The following RGS7 variants were observed in gnomAD, a reference collection of about 807,000 sequenced individuals.
The protein encoded by RGS7 is regulator of G-protein signaling 7.
Under a neutral mutation model 81.1 loss-of-function variants are expected in RGS7, and 27 were observed. The observed-to-expected ratio is 0.33, with a 90% CI of 0.25 to 0.46. The LOEUF (loss-of-function observed/expected upper bound fraction) is 0.46, where lower values mean the gene tolerates loss of function less well. RGS7 is among the 20% of genes least tolerant of loss of function. The pLI is 1.00. For synonymous variants in RGS7, 208 were observed against 207.7 expected, an observed-to-expected ratio of 1.00 and a Z score of -0.01; for missense variants, 396 against 607.4, an observed-to-expected ratio of 0.65 and a Z score of 3.66.
chr1:240,980,709 C>G (rs1449845760), intron 4 of RGS7, among the ~76,000 whole-genome samples: 1 of 152,164 alleles, frequency 6.6e-6, no homozygotes, highest in African/African-American at 2.4e-5. Flanking sequence ...TGTGCACAAT[C>G]TGTTACATAT....
intron 2 of RGS7, among the ~76,000 whole-genome samples, chr1:241,125,427 GAC>G (rs59757330): frequency 0.24 from 35,716 of 148,930 alleles, 4,442 homozygotes; most frequent in African/African-American, 0.31. Context: ...CAAAGACATG[GAC>G]ACACACACAC....
At chr1:241,208,876 T>A (rs941558198) in intron 2 of RGS7, among the ~76,000 whole-genome samples, 1 of 152,206 alleles carries the variant, frequency 6.6e-6, no homozygotes, top group Non-Finnish European at 1.5e-5. Flanking sequence ...AAGAGAATGC[T>A]TGACTGTTTT....
rs80076229 is a variant in RGS7, at chr1:241,327,889, G to C, written c.78+27810C>G. Among the ~76,000 whole-genome samples, 1,339 of 152,104 alleles carry C rather than the reference G, an allele frequency of 8.8e-3. 24 individuals are homozygous for C. The highest frequency in any genetic ancestry group is 0.031 in the African/African-American group (1,270 of 41,480). On this transcript the variant is annotated intron_variant, in intron 2 of 18. Transcript: ENST00000440928. Reference sequence around the variant, plus strand: ...AAAACTCAATTTTTGATAGAAAAAGGCTTCTTAGAGTACAGCTACCACATT... The same window carrying C: ...AAAACTCAATTTTTGATAGAAAAAGCCTTCTTAGAGTACAGCTACCACATT...
At chr1:240,945,984 T>C (rs1678536196) in intron 4 of RGS7, among the ~76,000 whole-genome samples, 1 of 152,202 alleles carries the variant, frequency 6.6e-6, no homozygotes, top group Non-Finnish European at 1.5e-5. Context: ...AGATCATCTT[T>C]CTCAAAATTA....
chr1:241,330,001 G>C (rs993145413), intron 2 of RGS7, among the ~76,000 whole-genome samples: 3 of 151,940 alleles, frequency 2.0e-5, no homozygotes, highest in Non-Finnish European at 4.4e-5. Context: ...AGTGGGTGGC[G>C]CAATCTTGGC....
chr1:241,230,743 C>G (rs2815859), intron 2 of RGS7, among the ~76,000 whole-genome samples: 86,999 of 151,994 alleles, frequency 0.57, 25,193 homozygotes, highest in African/African-American at 0.61. Context: ...GTGTTCTGTC[C>G]TAGGACCGTG....
At chr1:240,927,670 T>C (rs1674678485) in intron 6 of RGS7, among the ~76,000 whole-genome samples, 3 of 152,194 alleles carry the variant, frequency 2.0e-5, no homozygotes, top group South Asian at 2.1e-4. Flanking sequence ...TCTGAGATCA[T>C]TGTTATTCTC....
chr1:241,310,015 T>G (rs979812766), intron 2 of RGS7, among the ~76,000 whole-genome samples: 1 of 152,188 alleles, frequency 6.6e-6, no homozygotes, highest in African/African-American at 2.4e-5. Context: ...TCGGTGCTAT[T>G]CACAAGACAG....
At chr1:241,226,210 A>G (rs773404882) in intron 2 of RGS7, among the ~76,000 whole-genome samples, 5 of 152,222 alleles carry the variant, frequency 3.3e-5, no homozygotes, top group African/African-American at 7.2e-5. Context: ...AAGGAAATCC[A>G]TCTTACCCTC....
chr1:241,083,012 G>A (rs1174885509), intron 3 of RGS7, among the ~76,000 whole-genome samples: 1 of 152,054 alleles, frequency 6.6e-6, no homozygotes, highest in African/African-American at 2.4e-5. Context: ...GTCACTTGAG[G>A]TCAGGAGTTC....
intron 2 of RGS7, among the ~76,000 whole-genome samples, chr1:241,239,315 C>A (rs2076156088): frequency 6.6e-6 from 1 of 152,064 alleles, no homozygotes; most frequent in Non-Finnish European, 1.5e-5. Flanking sequence ...TGGTTCCCTG[C>A]TATTAACCTC....
intron 2 of RGS7, among the ~76,000 whole-genome samples, chr1:241,248,287 G>A (rs1279529109): frequency 6.7e-6 from 1 of 150,054 alleles, no homozygotes; most frequent in East Asian, 1.9e-4. Context: ...TAATTGCTGT[G>A]CATCTTTATA....
chr1:241,165,546 C>T (rs964310669), intron 2 of RGS7, among the ~76,000 whole-genome samples: 37 of 149,648 alleles, frequency 2.5e-4, no homozygotes, highest in Non-Finnish European at 4.0e-4. Context: ...AACCAAACAC[C>T]GCATATTCTC....
chr1:240,838,855 C>T (rs1695135271), intron 9 of RGS7, among the ~76,000 whole-genome samples: 1 of 152,042 alleles, frequency 6.6e-6, no homozygotes, highest in African/African-American at 2.4e-5. Context: ...CAAGCTCCGC[C>T]TCCTAGGTTC....
intron 2 of RGS7, among the ~76,000 whole-genome samples, chr1:241,251,313 T>C (rs2148214171): frequency 6.6e-6 from 1 of 152,254 alleles, no homozygotes; most frequent in African/African-American, 2.4e-5. Context: ...TCTTGCTTTA[T>C]TGTTGCAGTT....
intron 2 of RGS7, among the ~76,000 whole-genome samples, chr1:241,256,104 C>A (rs1445129745): frequency 2.0e-5 from 3 of 152,172 alleles, no homozygotes; most frequent in Non-Finnish European, 4.4e-5. Context: ...AATCCCTGTT[C>A]TGTAATTCTC....
At chr1:241,141,092 T>C (rs2103083239) in intron 2 of RGS7, among the ~76,000 whole-genome samples, 1 of 152,266 alleles carries the variant, frequency 6.6e-6, no homozygotes, top group Admixed American at 6.5e-5. Context: ...CCCAGAGGAG[T>C]GCAATTACTC....
chr1:241,108,023 G>T (rs1178560923), intron 2 of RGS7, among the ~76,000 whole-genome samples: 1 of 152,086 alleles, frequency 6.6e-6, no homozygotes, highest in Non-Finnish European at 1.5e-5. Context: ...GGCCAGGTGC[G>T]GTGGCTCACA....
At chr1:240,883,726 G>C (rs1666831019) in intron 6 of RGS7, among the ~76,000 whole-genome samples, 2 of 152,166 alleles carry the variant, frequency 1.3e-5, no homozygotes, top group Non-Finnish European at 2.9e-5. Flanking sequence ...CATCCTTTTT[G>C]TGGGACATGT....
Sources: gnomAD v4.1 joint callset for allele counts (sites outside exome capture counted in the v4.1 genomes callset) on GRCh38, gnomAD v4.1.1 for gene constraint, MANE v1.5 for transcripts, NCBI Gene and HGNC (gene_info 2026-07-23, HGNC 2026-07-21) for gene names.